RGS7: variants seen among roughly 807,000 people sequenced by gnomAD.
The protein encoded by RGS7 is regulator of G protein signaling 7.
RGS7 carries 27 observed loss-of-function variants against 81.1 expected under a neutral mutation model. The observed-to-expected ratio is 0.33, with a 90% CI of 0.25 to 0.46. The LOEUF is 0.46. Among genes scored for constraint, RGS7 ranks in the 20% least tolerant of loss-of-function variants. RGS7 has a pLI of 1.00. For missense variants in RGS7, 396 were observed against 607.4 expected (o/e 0.65, Z 3.66); for synonymous variants, 208 against 207.7 (o/e 1.00, Z -0.01).
At chr1:241,134,996 GT>G (rs1238436008) in intron 2 of RGS7, among the ~76,000 whole-genome samples, 1 of 150,216 alleles carries the variant, frequency 6.7e-6, no homozygotes, top group Non-Finnish European at 1.5e-5. Context: ...GAAGGAGGCC[GT>G]CCGGGTACTA....
chr1:240,919,984 T>C, intron 6 of RGS7: 1 of 1,354,864 alleles, frequency 7.4e-7, no homozygotes, highest in East Asian at 2.3e-5. Context: ...GTTGGTGGCA[T>C]TAAAGAAGAC....
chr1:241,059,568 TTTTTCGTTTGTG>T (rs1407611950), intron 3 of RGS7, among the ~76,000 whole-genome samples: 8 of 152,098 alleles, frequency 5.3e-5, no homozygotes, highest in Admixed American at 1.3e-4. Context: ...TTAGACATAA[TTTTTCGTTTGTG>T]GATGAGTGAT....
chr1:240,795,899 T>C (rs1455522440), intron 18 of RGS7, among the ~76,000 whole-genome samples: 2 of 152,126 alleles, frequency 1.3e-5, no homozygotes, highest in Non-Finnish European at 2.9e-5. Flanking sequence ...CATCTAGAGG[T>C]GAAGAAACTG....
At chr1:241,286,592 C>A (rs2078823970) in intron 2 of RGS7, among the ~76,000 whole-genome samples, 1 of 152,152 alleles carries the variant, frequency 6.6e-6, no homozygotes, top group African/African-American at 2.4e-5. Context: ...ATCAAACCTA[C>A]CTCCCCAGGA....
At chr1:241,214,819 A>G (rs915491249) in intron 2 of RGS7, among the ~76,000 whole-genome samples, 4 of 152,094 alleles carry the variant, frequency 2.6e-5, no homozygotes, top group South Asian at 2.1e-4. Context: ...AGCTTCATCT[A>G]TTATATATTT....
At chr1:241,176,299 T>TA (rs1420824440) in intron 2 of RGS7, among the ~76,000 whole-genome samples, 1 of 152,180 alleles carries the variant, frequency 6.6e-6, no homozygotes, top group Non-Finnish European at 1.5e-5. Context: ...CAACAGGAGT[T>TA]AGATATGATC....
chr1:240,952,246 T>C (rs1679685333), intron 4 of RGS7, among the ~76,000 whole-genome samples: 1 of 152,126 alleles, frequency 6.6e-6, no homozygotes, highest in African/African-American at 2.4e-5. Flanking sequence ...CTTATTTTTC[T>C]TATTCTTAGT....
chr1:241,125,833 G>A (rs983028684), intron 2 of RGS7, among the ~76,000 whole-genome samples: 5 of 151,958 alleles, frequency 3.3e-5, no homozygotes, highest in African/African-American at 9.7e-5. Flanking sequence ...TTTCTACCTC[G>A]ATCTTATTTC....
chr1:241,089,350 C>A (rs1221698180), intron 3 of RGS7, among the ~76,000 whole-genome samples: 1 of 151,424 alleles, frequency 6.6e-6, no homozygotes, highest in Non-Finnish European at 1.5e-5. Context: ...AAAAAACATA[C>A]CATTTTGGCA....
At chr1:241,106,972 TA>T (rs1464580579) in intron 2 of RGS7, among the ~76,000 whole-genome samples, 2 of 151,758 alleles carry the variant, frequency 1.3e-5, no homozygotes, top group Non-Finnish European at 2.9e-5. Flanking sequence ...AATAAACAGA[TA>T]AATAAACAAT....
intron 2 of RGS7, among the ~76,000 whole-genome samples, chr1:241,272,524 T>C (rs1345619176): frequency 6.6e-6 from 1 of 152,252 alleles, no homozygotes; most frequent in Non-Finnish European, 1.5e-5. Flanking sequence ...GCATCTCATA[T>C]GTGCTTTCCT....
intron 9 of RGS7, among the ~76,000 whole-genome samples, chr1:240,834,273 T>G (rs1694314238): frequency 6.6e-6 from 1 of 152,180 alleles, no homozygotes; most frequent in East Asian, 1.9e-4. Context: ...CTCTTCTCTA[T>G]AGTATTTACT....
Position 241,221,184 on chromosome 1 carries a change from GAGAGAAAGAA to G in RGS7, c.79-122432_79-122423del, listed in dbSNP as rs957647327. ...GAAGGAAGGAAGGGGAAAAAAGAAA[GAGAGAAAGAA>G]AGAGAAAGAAAGAAAAAGAGACATG... On this transcript the variant is annotated intron_variant, in intron 2 of 18. Coordinates refer to ENST00000440928, the MANE Select transcript of RGS7 (RefSeq NM_001364886.1). Among the ~76,000 whole-genome samples, 128 of 107,116 alleles carry G rather than the reference GAGAGAAAGAA, an allele frequency of 1.2e-3. 2 individuals are homozygous for G. The highest frequency in any genetic ancestry group is 3.1e-3 in the African/African-American group (114 of 37,046). 70.3% of individuals were successfully genotyped at this position (107,116 alleles called of 152,430 possible). A position where few individuals can be genotyped will look rare whatever the true frequency, so the allele number is the denominator to read the frequency against.
At chr1:241,087,948 C>CTTTCTA (rs199723402) in intron 3 of RGS7, among the ~76,000 whole-genome samples, 893 of 64,698 alleles carry the variant, frequency 0.014, 12 homozygotes, top group African/African-American at 0.062. Flanking sequence ...GACTCCATCT[C>CTTTCTA]TCTCTCTCTC....
intron 9 of RGS7, among the ~76,000 whole-genome samples, chr1:240,850,197 G>T (rs1175104040): frequency 6.6e-6 from 1 of 152,090 alleles, no homozygotes; most frequent in Admixed American, 6.6e-5. Context: ...TTTTTGTTTT[G>T]TTCTTTTTGC....
chr1:241,157,821 C>CTTTTTTTTTTTTT (rs67249227), intron 2 of RGS7, among the ~76,000 whole-genome samples: 2 of 94,714 alleles, frequency 2.1e-5, no homozygotes, highest in Non-Finnish European at 4.5e-5. Flanking sequence ...CTTTTCTTTT[C>CTTTTTTTTTTTTT]TTTTTTTTTT....
chr1:241,156,069 TACAC>T (rs2069103982), intron 2 of RGS7, among the ~76,000 whole-genome samples: 1 of 142,946 alleles, frequency 7.0e-6, no homozygotes, highest in Non-Finnish European at 1.5e-5. Flanking sequence ...TTCCTAAATT[TACAC>T]ACGCACGCAC....
chr1:241,223,059 T>A (rs1373089901), intron 2 of RGS7, among the ~76,000 whole-genome samples: 2 of 152,170 alleles, frequency 1.3e-5, no homozygotes, highest in Admixed American at 6.5e-5. Flanking sequence ...TTATCCAGTC[T>A]ATTATTGATG....
intron 2 of RGS7, among the ~76,000 whole-genome samples, chr1:241,265,153 A>C: frequency 6.6e-6 from 1 of 152,182 alleles, no homozygotes; most frequent in Non-Finnish European, 1.5e-5. Flanking sequence ...CCGTGTTCCC[A>C]AGTGCAGCCT....
Sources: allele counts gnomAD v4.1 joint callset (sites outside exome capture counted in the v4.1 genomes callset), GRCh38; gene constraint gnomAD v4.1.1; transcripts MANE v1.5; gene names NCBI Gene and HGNC (gene_info 2026-07-23, HGNC 2026-07-21).